LMOD1: variants seen among roughly 807,000 people sequenced by gnomAD.
LMOD1 encodes leiomodin-1.
LMOD1 carries 8 observed loss-of-function variants against 36.5 expected under a neutral mutation model. That is an observed-to-expected ratio of 0.22 (90% CI 0.13 to 0.40). LMOD1 has a LOEUF of 0.40. Ranked by LOEUF, LMOD1 falls within the 10% of genes least tolerant of loss-of-function variation. The pLI, the probability that LMOD1 is intolerant of heterozygous loss-of-function variation, is 1.00. For synonymous variants in LMOD1, 284 were observed against 288.7 expected, an observed-to-expected ratio of 0.98 and a Z score of 0.17; for missense variants, 630 against 751.1, an observed-to-expected ratio of 0.84 and a Z score of 1.88.
At position 201,899,580 on chromosome 1, in the gene LMOD1, C is replaced by G; in HGVS notation, c.1433G>C (p.Arg478Pro). Residue 478 changes from arginine to proline, a missense_variant, in exon 2 of 3, where the codon CGG (arginine) becomes CCG (proline). By Grantham distance (103) the Arg-to-Pro change is moderately radical. This residue lies in a region of LMOD1 where 144 missense variants were observed against 169.8 expected (regional missense o/e 0.85). Coordinates refer to ENST00000367288, the MANE Select transcript of LMOD1 (RefSeq NM_012134.3). This position sits in a 1 kb window ranked among gnomAD's most constrained non-coding sequence, Gnocchi z 6.3. ...SRNMDKQRQK[R>P]LQEQRQAQEA... ...CTGTGCCTGCCTTTGCTCCTGCAGC[C>G]GCTTTTGTCTCTGCTTGTCCATGTT... The G allele has an allele frequency of 6.2e-7, 1 of 1,613,012 alleles. No homozygotes were observed. The highest frequency in any genetic ancestry group is 8.5e-7 in the Non-Finnish European group (1 of 1,179,516).
chr1:201,911,656 C>A (rs1481579828), intron 1 of LMOD1, among the ~76,000 whole-genome samples: 2 of 152,094 alleles, frequency 1.3e-5, no homozygotes, highest in African/African-American at 2.4e-5. Context: ...CGGAGTGAGA[C>A]CACCCTGTCT....
chr1:201,909,429 G>A (rs933053306), intron 1 of LMOD1, among the ~76,000 whole-genome samples: 6 of 151,956 alleles, frequency 3.9e-5, no homozygotes, highest in African/African-American at 1.5e-4. Context: ...CTTTTTTTGG[G>A]AGGAAGAGAC....
chr1:201,923,197 C>CA (rs1445254396), intron 1 of LMOD1, among the ~76,000 whole-genome samples: 1 of 152,088 alleles, frequency 6.6e-6, no homozygotes, highest in Non-Finnish European at 1.5e-5. Flanking sequence ...GTACCCATCT[C>CA]AGAGTGCAGA....
chr1:201,901,856 C>T (rs1047055103), intron 1 of LMOD1, among the ~76,000 whole-genome samples: 2 of 148,108 alleles, frequency 1.4e-5, no homozygotes, highest in African/African-American at 2.5e-5. Flanking sequence ...TTTTATAAGG[C>T]AATACATTTC....
chr1:201,899,627 A>C lies in LMOD1; in HGVS notation c.1386T>G (p.Thr462=). 6.2e-7 allele frequency: 1 copy of C among 1,613,006 alleles called. No homozygotes were observed. Among genetic ancestry groups the C allele is most frequent in the Non-Finnish European group, 8.5e-7 (1 of 1,179,500 alleles). ...YHFELAGPRM[T]VTNLLSRNMD... ...TGTTGCGGCTGAGCAGATTGGTGACAGTCATTCGGGGCCCGGCCAGCTCAA... is the reference window on the plus strand; with the variant it reads ...TGTTGCGGCTGAGCAGATTGGTGACCGTCATTCGGGGCCCGGCCAGCTCAA... The change falls in exon 2 of 3, where the codon ACT becomes ACG. Residue 462 remains threonine, a synonymous_variant. Transcript: ENST00000367288. The surrounding 1 kb of genome is among the most constrained non-coding windows in gnomAD (Gnocchi z 6.3).
At chr1:201,908,976 C>T (rs1681451517) in intron 1 of LMOD1, among the ~76,000 whole-genome samples, 1 of 152,266 alleles carries the variant, frequency 6.6e-6, no homozygotes, top group South Asian at 2.1e-4. Context: ...CTTGTGCTCT[C>T]ATTCCGCAGA....
Position 201,899,322 on chromosome 1 carries a change from T to C in LMOD1, c.1691A>G (p.Asp564Gly), listed in dbSNP as rs1475269041. ...CTTCTCCTGGGCAGGGAGGACTTTG[T>C]CTCCCATCTTCCTCTGGGTAGCTGG... is the stretch of plus-strand genomic sequence containing the variant. ...LSPATQRKMG[D>G]KVLPAQEKNS... Residue 564 changes from aspartate (D) to glycine (G), a missense_variant, in exon 2 of 3, where the codon GAC (aspartate) becomes GGC (glycine). This residue lies in a region of LMOD1 where 144 missense variants were observed against 169.8 expected (regional missense o/e 0.85). Coordinates refer to ENST00000367288, the MANE Select transcript of LMOD1 (RefSeq NM_012134.3). This position sits in a 1 kb window ranked among gnomAD's most constrained non-coding sequence, Gnocchi z 6.3. 1.9e-6 allele frequency: 3 copies of C among 1,611,208 alleles called. No homozygotes were observed. Among genetic ancestry groups the C allele is most frequent in the South Asian group, 1.1e-5 (1 of 90,446 alleles).
chr1:201,935,154 G>A (rs12026685), intron 1 of LMOD1, among the ~76,000 whole-genome samples: 1 of 152,200 alleles, frequency 6.6e-6, no homozygotes, highest in South Asian at 2.1e-4. Flanking sequence ...ACAGACTGTA[G>A]GAGGGCAAGA....
chr1:201,899,211 GT>G lies in LMOD1; in HGVS notation c.1776+25del. 1 of 1,555,072 alleles carries G rather than the reference GT, an allele frequency of 6.4e-7. No individual in the cohort carries two copies. Among genetic ancestry groups the G allele is most frequent in the Non-Finnish European group, 8.7e-7 (1 of 1,147,386 alleles). The stretch of plus-strand genomic sequence containing the variant: ...TCCAGGCCCTACCCAGCCCCGCCCT[GT>G]TGGCTCATGCCCACAACTACTTAAC... On this transcript the variant is annotated intron_variant, in intron 2 of 2. Transcript: ENST00000367288. The surrounding 1 kb of genome is among the most constrained non-coding windows in gnomAD (Gnocchi z 6.3).
intron 1 of LMOD1, among the ~76,000 whole-genome samples, chr1:201,932,366 T>A (rs977478242): frequency 2.4e-4 from 36 of 151,932 alleles, no homozygotes; most frequent in Admixed American, 8.5e-4. Flanking sequence ...TAGTGAAGTG[T>A]CCAAATCTCG....
chr1:201,912,064 G>T (rs1681505001), intron 1 of LMOD1, among the ~76,000 whole-genome samples: 1 of 152,126 alleles, frequency 6.6e-6, no homozygotes, highest in Non-Finnish European at 1.5e-5. Flanking sequence ...TAATGTATGT[G>T]GAGCACAGAG....
In LMOD1 at chr1:201,946,160, C is replaced by T; in HGVS notation, c.181G>A (p.Gly61Ser). 2 of 1,613,988 alleles carry T rather than the reference C, an allele frequency of 1.2e-6. No individual in the cohort carries two copies. Among genetic ancestry groups the T allele is most frequent in the Admixed American group, 3.3e-5 (2 of 60,022 alleles). ...AGCATGGCCTCCCGGTTGTACACAC[C>T]CGTGGACTGTTTCTCCGTCTGGTTT... ...QRNQTEKQST[G>S]VYNREAMLNF... The change falls in exon 1 of 3, where the codon GGT becomes AGT. Residue 61 changes from glycine to serine, a missense_variant. Physicochemically the swap from Gly to Ser is moderately conservative, Grantham distance 56 (BLOSUM62 0). Around this residue, in one of 3 missense-constraint regions of LMOD1, gnomAD observed 405 missense variants for 400.6 expected, o/e 1.01. Transcript: ENST00000367288.
chr1:201,896,805 G>A lies in LMOD1; in HGVS notation c.*1567C>T. On this transcript the variant is annotated 3_prime_UTR_variant, in exon 3 of 3. Coordinates refer to ENST00000367288, the MANE Select transcript of LMOD1 (RefSeq NM_012134.3). ...GAGGGAATGGAGAAGAGTGTACCCT[G>A]GGATCTGAGGGCTTTACCCCCAGGA... is the stretch of plus-strand genomic sequence containing the variant. 1 of 441,414 alleles carries A rather than the reference G, an allele frequency of 2.3e-6. No homozygotes were observed. The highest frequency in any genetic ancestry group is 4.6e-6 in the Non-Finnish European group (1 of 218,000). 27.3% of individuals were successfully genotyped at this position (441,414 alleles called of 1,614,324 possible).
At chr1:201,912,697 A>G (rs1411293944) in intron 1 of LMOD1, among the ~76,000 whole-genome samples, 2 of 152,040 alleles carry the variant, frequency 1.3e-5, no homozygotes, top group Non-Finnish European at 2.9e-5. Flanking sequence ...CATCTCTACT[A>G]AAAACACAAA....
At chr1:201,944,100 A>T (rs1395431159) in intron 1 of LMOD1, among the ~76,000 whole-genome samples, 3 of 152,162 alleles carry the variant, frequency 2.0e-5, no homozygotes, top group Non-Finnish European at 4.4e-5. Flanking sequence ...GGGGATCAGA[A>T]CAGCCTACAT....
intron 1 of LMOD1, among the ~76,000 whole-genome samples, chr1:201,942,266 G>A (rs1429463539): frequency 6.6e-6 from 1 of 152,204 alleles, no homozygotes; most frequent in Non-Finnish European, 1.5e-5. Context: ...CCACAAGCTG[G>A]TGAGTGAGAC....
rs1681222242 is a variant in LMOD1, at chr1:201,897,970, C to T, written c.*402G>A. The stretch of plus-strand genomic sequence containing the variant: ...GCCCAGCAGCTTTGCCCCGTGGGCT[C>T]CTCAGAGGCCTGAATCCTGGCCCTG... On this transcript the variant is annotated 3_prime_UTR_variant, in exon 3 of 3. Transcript: ENST00000367288. The T allele has an allele frequency of 5.2e-6, 1 of 193,974 alleles. No homozygotes were observed. The highest frequency in any genetic ancestry group is 2.3e-5 in the African/African-American group (1 of 42,716). 12.0% of individuals were successfully genotyped at this position (193,974 alleles called of 1,614,324 possible). A position where few individuals can be genotyped will look rare whatever the true frequency, so the allele number is the denominator to read the frequency against.
chr1:201,930,395 C>A (rs528910158), intron 1 of LMOD1, among the ~76,000 whole-genome samples: 2 of 152,044 alleles, frequency 1.3e-5, no homozygotes, highest in South Asian at 2.1e-4. Flanking sequence ...TCAGAGAGAT[C>A]ATAGAGGCAG....
In LMOD1 at chr1:201,899,635, G is replaced by A. The variant is rs767256056; in HGVS notation, c.1378C>T (p.Arg460Ter). The change falls in exon 2 of 3, where the codon CGA becomes TGA. Residue 460 changes from arginine (R) to a stop codon, truncating the protein, a stop_gained. Transcript: ENST00000367288. LOFTEE classifies it high-confidence loss of function. This position sits in a 1 kb window ranked among gnomAD's most constrained non-coding sequence, Gnocchi z 6.3. ...CTGAGCAGATTGGTGACAGTCATTC[G>A]GGGCCCGGCCAGCTCAAAATGGTAG... The part of the protein sequence containing the change: ...LGYHFELAGP[R>*]MTVTNLLSRN... 4 of 1,612,910 alleles carry A rather than the reference G, an allele frequency of 2.5e-6. No individual in the cohort carries two copies. The highest frequency in any genetic ancestry group is 1.1e-5 in the South Asian group (1 of 90,908).
Sources: gnomAD v4.1 joint callset for allele counts (sites outside exome capture counted in the v4.1 genomes callset) on GRCh38, gnomAD v4.1.1 for gene constraint, gnomAD v4.1.1 regional missense constraint, Gnocchi (gnomAD v3.1) non-coding constraint, MANE v1.5 for transcripts, NCBI Gene and HGNC (gene_info 2026-07-23, HGNC 2026-07-21) for gene names.